Variants in CNTD1 observed in about 807,000 individuals in gnomAD.
CNTD1 encodes cyclin N-terminal domain-containing protein 1.
CNTD1 carries 17 observed loss-of-function variants against 36.3 expected under a neutral mutation model. The observed-to-expected ratio is 0.47, with a 90% CI of 0.32 to 0.70. CNTD1 has a LOEUF of 0.70. Among genes scored for constraint, CNTD1 ranks in the 30% least tolerant of loss-of-function variants. The probability of loss-of-function intolerance (pLI) is 0.03; values close to 1 mark genes in which losing one functional copy is unlikely to be tolerated. For missense variants in CNTD1, 338 were observed against 386.1 expected, an observed-to-expected ratio of 0.88 and a Z score of 1.04; for synonymous variants, 128 against 153.3, an observed-to-expected ratio of 0.83 and a Z score of 1.22.
At chr17:42,800,021 G>A (rs1228849832) in intron 1 of CNTD1, among the ~76,000 whole-genome samples, 4 of 145,386 alleles carry the variant, frequency 2.8e-5, no homozygotes, top group Admixed American at 1.4e-4. Context: ...CTGAGATGGC[G>A]CCACTACACT....
chr17:42,804,226 T>C lies in CNTD1; in HGVS notation c.247T>C (p.Phe83Leu). 1 of 1,613,022 alleles carries C rather than the reference T, an allele frequency of 6.2e-7. No individual in the cohort carries two copies. The highest frequency in any genetic ancestry group is 8.5e-7 in the Non-Finnish European group (1 of 1,179,408). Residue 83 changes from phenylalanine (F) to leucine (L), a missense_variant and splice_region_variant, in exon 3 of 7, where the codon TTT (phenylalanine) becomes CTT (leucine). Coordinates refer to ENST00000588408, the MANE Select transcript of CNTD1 (RefSeq NM_173478.3). ...TTACTCTCCCTCCCTTCCCTACAGG[T>C]TTATGGTAAAACAGGCAGAGAACAT... ...SYQAVEILERFMVKQAENICR... is the reference protein window; with the variant it reads ...SYQAVEILERLMVKQAENICR...
At chr17:42,798,786 C>A (rs764136234), upstream of CNTD1, 5 of 1,466,704 alleles carry the variant, frequency 3.4e-6, no homozygotes, top group Non-Finnish European at 2.7e-6. Context: ...GTGCCCTTTG[C>A]GGGGCAGAGC....
chr17:42,804,514 A>C, intron 3 of CNTD1, 118 bp downstream of exon 3: 1 of 974,152 alleles, frequency 1.0e-6, no homozygotes, highest in Non-Finnish European at 1.5e-6. Flanking sequence ...TAAATTACAA[A>C]GTAAAAACAA....
chr17:42,799,309 AT>A (rs750630361), intron 1 of CNTD1, 73 bp downstream of exon 1: 71 of 1,455,664 alleles, frequency 4.9e-5, no homozygotes, highest in Non-Finnish European at 6.3e-5. Flanking sequence ...CGACCTTGAG[AT>A]TCCGTTGATT....
At chr17:42,805,137 AG>A (rs1368998209) in intron 3 of CNTD1, among the ~76,000 whole-genome samples, 2 of 152,170 alleles carry the variant, frequency 1.3e-5, no homozygotes, top group Non-Finnish European at 2.9e-5. Flanking sequence ...TACATTTATA[AG>A]GGAAAAAAAT....
chr17:42,807,981 G>A, intron 6 of CNTD1, 117 bp downstream of exon 6: 1 of 714,010 alleles, frequency 1.4e-6, no homozygotes, highest in Non-Finnish European at 2.4e-6. Context: ...CCAGGATTAG[G>A]ATGGGTGTGC....
intron 6 of CNTD1, 92 bp from the exon 7 acceptor site, chr17:42,809,273 C>G (rs578002446): frequency 8.3e-7 from 1 of 1,202,794 alleles, no homozygotes; most frequent in Non-Finnish European, 1.2e-6. Flanking sequence ...TTTACAATTG[C>G]CTTGAGAGAA....
At chr17:42,799,298 C>T (rs1324079988) in intron 1 of CNTD1, 62 bp downstream of exon 1, 1 of 1,514,894 alleles carries the variant, frequency 6.6e-7, no homozygotes, top group Non-Finnish European at 8.9e-7. Flanking sequence ...CTTTCAGGCA[C>T]CGACCTTGAG....
At chr17:42,801,198 A>AAC (rs1555546430) in intron 1 of CNTD1, among the ~76,000 whole-genome samples, 6 of 149,188 alleles carry the variant, frequency 4.0e-5, no homozygotes, top group African/African-American at 1.3e-4. Context: ...AAAAAAAAAA[A>AAC]AACAACAACA....
intron 1 of CNTD1, among the ~76,000 whole-genome samples, chr17:42,801,510 A>ATATATATATAT (rs1555546481): frequency 3.7e-5 from 2 of 54,342 alleles, no homozygotes; most frequent in Non-Finnish European, 5.9e-5. Context: ...AAAAAAAAAA[A>ATATATATATAT]ATATATATAT....
In CNTD1 at chr17:42,807,399, A is replaced by T. The variant is rs565920484; in HGVS notation, c.726-369A>T. Among the ~76,000 whole-genome samples the T allele has an allele frequency of 1.9e-3, 295 of 152,222 alleles. 1 individual carries two copies. The highest frequency in any genetic ancestry group is 3.5e-3 in the Non-Finnish European group (236 of 68,012). ...CACTGCACTCCAGCCTGGGCAACAG[A>T]GAGAGACTCCGTCTCAGAAAAAGAA... On this transcript the variant is annotated intron_variant, in intron 5 of 6. Transcript: ENST00000588408.
chr17:42,804,357 A>T lies in CNTD1; in HGVS notation c.378A>T (p.Ser126=), dbSNP rs760955572. The T allele has an allele frequency of 1.2e-6, 2 of 1,614,084 alleles. No homozygotes were observed. Among genetic ancestry groups the T allele is most frequent in the Admixed American group, 3.3e-5 (2 of 60,004 alleles). The change falls in exon 3 of 7, where the codon TCA becomes TCT. Residue 126 remains serine (S), a synonymous_variant. Coordinates refer to ENST00000588408, the MANE Select transcript of CNTD1 (RefSeq NM_173478.3). The stretch of plus-strand genomic sequence containing the variant: ...ACAAGTTTACTCTCCGTCTTGTGTC[A>T]TGTGTTCAGCTGGCCAGCAAACTTT... ...LVNKFTLRLV[S]CVQLASKLSF...
chr17:42,798,979 C>T lies in CNTD1; in HGVS notation c.-89C>T. On this transcript the variant is annotated 5_prime_UTR_variant, in exon 1 of 7. Coordinates refer to ENST00000588408, the MANE Select transcript of CNTD1 (RefSeq NM_173478.3). ...ACTCATTGGAAGGGGACGAGGAATC[C>T]AGGGTGTGGCAGAAGACTGGAGAGG... 6 of 1,523,550 alleles carry T rather than the reference C, an allele frequency of 3.9e-6. No individual in the cohort carries two copies. Among genetic ancestry groups the T allele is most frequent in the Non-Finnish European group, 5.3e-6 (6 of 1,137,458 alleles). 94.4% of individuals were successfully genotyped at this position (1,523,550 alleles called of 1,614,324 possible).
chr17:42,800,069 TAA>T (rs769118587), intron 1 of CNTD1, among the ~76,000 whole-genome samples: 4 of 63,954 alleles, frequency 6.3e-5, no homozygotes, highest in Admixed American at 1.9e-4. Context: ...AGACTCTGTC[TAA>T]AAAAAAAAAA....
chr17:42,809,900 G>A lies in CNTD1; in HGVS notation c.*365G>A, dbSNP rs535349885. 1.3e-5 allele frequency: 2 copies of A among 158,372 alleles called. No individual in the cohort carries two copies. The highest frequency in any genetic ancestry group is 2.0e-4 in the South Asian group (1 of 5,114). 9.8% of individuals were successfully genotyped at this position (158,372 alleles called of 1,614,324 possible). A position where few individuals can be genotyped will look rare whatever the true frequency, so the allele number is the denominator to read the frequency against. On this transcript the variant is annotated 3_prime_UTR_variant, in exon 7 of 7. Coordinates refer to ENST00000588408, the MANE Select transcript of CNTD1 (RefSeq NM_173478.3). ...GTGACCTTGACTAAGCATCAAGGAG[G>A]TAGCCTTTATTTCCCCTTAAAATTA...
Position 42,804,258 on chromosome 17 carries a change from G to C in CNTD1, c.279G>C (p.Arg93Ser), listed in dbSNP as rs760733997. The stretch of plus-strand genomic sequence containing the variant: ...TAAAACAGGCAGAGAACATCTGCAG[G>C]CAAGCCACAATCCAGCCAAGAGATA... ...FMVKQAENICRQATIQPRDNK... is the reference protein window; with the variant it reads ...FMVKQAENICSQATIQPRDNK... Residue 93 changes from arginine (R) to serine (S), a missense_variant, in exon 3 of 7, where the codon AGG (arginine) becomes AGC (serine). Transcript: ENST00000588408. 1.9e-6 allele frequency: 3 copies of C among 1,614,022 alleles called. No individual in the cohort carries two copies. The African/African-American group carries it at 4.0e-5, about 22-fold the overall frequency.
At chr17:42,805,179 G>A (rs2054858368) in intron 3 of CNTD1, among the ~76,000 whole-genome samples, 1 of 152,130 alleles carries the variant, frequency 6.6e-6, no homozygotes, top group South Asian at 2.1e-4. Context: ...TGCCTATACA[G>A]TAAAATATCA....
chr17:42,808,018 T>A lies in CNTD1; in HGVS notation c.822+154T>A. On this transcript the variant is annotated intron_variant, in intron 6 of 6. Transcript: ENST00000588408. Reference sequence around the variant, plus strand: ...AGATTTGAGAGGGAAAAATCTAGGATAGGGCTGAAATGTTTCCTTGTTTTC... The same window carrying A: ...AGATTTGAGAGGGAAAAATCTAGGAAAGGGCTGAAATGTTTCCTTGTTTTC... The A allele has an allele frequency of 1.4e-5, 8 of 580,076 alleles. No individual in the cohort carries two copies. The South Asian group carries it at 1.8e-4, about 13-fold the overall frequency. 35.9% of individuals were successfully genotyped at this position (580,076 alleles called of 1,614,324 possible). A position where few individuals can be genotyped will look rare whatever the true frequency, so the allele number is the denominator to read the frequency against.
intron 3 of CNTD1, 127 bp downstream of exon 3, chr17:42,804,523 A>G: frequency 1.4e-6 from 1 of 718,310 alleles, no homozygotes; most frequent in Non-Finnish European, 2.1e-6. Flanking sequence ...AAGTAAAAAC[A>G]ACGGCCGGGC....
Sources: allele counts gnomAD v4.1 joint callset (sites outside exome capture counted in the v4.1 genomes callset), GRCh38; gene constraint gnomAD v4.1.1; transcripts MANE v1.5; gene names NCBI Gene and HGNC (gene_info 2026-07-23, HGNC 2026-07-21).